The following TOP1 variants were observed in gnomAD, a reference collection of about 807,000 sequenced individuals.
TOP1 encodes DNA topoisomerase I.
TOP1 carries 10 observed loss-of-function variants against 111.1 expected under a neutral mutation model. The observed-to-expected ratio is 0.09, with a 90% CI of 0.06 to 0.15. TOP1 has a LOEUF of 0.15. Among genes scored for constraint, TOP1 ranks in the 10% least tolerant of loss-of-function variants. TOP1 has a pLI of 1.00. For synonymous variants in TOP1, 271 were observed against 302.9 expected (o/e 0.89, Z 1.10); for missense variants, 474 against 926.7 (o/e 0.51, Z 6.34).
At position 41,029,312 on chromosome 20, in the gene TOP1, AC is replaced by A; in HGVS notation, c.34-114del. ...GCAGGGATGGCTGCCCTCTGTGGCC[AC>A]CCCCGGGTCCCCGTCCTCCCCGGGG... On this transcript the variant is annotated intron_variant, in intron 1 of 20. Transcript: ENST00000361337. This position sits in a 1 kb window ranked among gnomAD's most constrained non-coding sequence, Gnocchi z 6.1. 5 of 945,592 alleles carry A rather than the reference AC, an allele frequency of 5.3e-6. No homozygotes were observed. The highest frequency in any genetic ancestry group is 6.0e-6 in the Non-Finnish European group (4 of 669,822). 58.6% of individuals were successfully genotyped at this position (945,592 alleles called of 1,614,324 possible). A position where few individuals can be genotyped will look rare whatever the true frequency, so the allele number is the denominator to read the frequency against.
chr20:41,061,065 A>G lies in TOP1; in HGVS notation c.59-329A>G, dbSNP rs1015142838. 3.9e-4 allele frequency among the ~76,000 whole-genome samples: 59 copies of G among 152,216 alleles called. No homozygotes were observed. Among genetic ancestry groups the G allele is most frequent in the African/African-American group, 1.3e-3 (52 of 41,452 alleles). On this transcript the variant is annotated intron_variant, in intron 2 of 20. Coordinates refer to ENST00000361337, the MANE Select transcript of TOP1 (RefSeq NM_003286.4). The surrounding 1 kb of genome is among the most constrained non-coding windows in gnomAD (Gnocchi z 4.6). The stretch of plus-strand genomic sequence containing the variant: ...ATCTGATCTTTAGAGTCAGTGTTCA[A>G]TACTATCCCTTTGTTATCATTTATA...
intron 3 of TOP1, among the ~76,000 whole-genome samples, chr20:41,062,643 G>T (rs1352729276): frequency 1.3e-5 from 2 of 152,174 alleles, no homozygotes; most frequent in Non-Finnish European, 2.9e-5. Context: ...ATTGCATAAT[G>T]ATAAAAGGGA....
chr20:41,117,511 C>T (rs1007008676), intron 17 of TOP1, among the ~76,000 whole-genome samples: 7 of 150,768 alleles, frequency 4.6e-5, no homozygotes, highest in African/African-American at 9.8e-5. Flanking sequence ...CTCAGCCTCC[C>T]GAGTAGCTGG....
At chr20:41,090,034 C>T (rs939354584) in intron 8 of TOP1, among the ~76,000 whole-genome samples, 3 of 151,930 alleles carry the variant, frequency 2.0e-5, no homozygotes, top group African/African-American at 2.4e-5. Context: ...AGTGCAGTGG[C>T]GCAATCTTGG....
At chr20:41,049,884 G>C (rs931635088) in intron 2 of TOP1, among the ~76,000 whole-genome samples, 1 of 152,044 alleles carries the variant, frequency 6.6e-6, no homozygotes, top group African/African-American at 2.4e-5. Flanking sequence ...CCCTAACAGG[G>C]GAATCCCATA....
chr20:41,055,661 TC>T (rs933327670), intron 2 of TOP1, among the ~76,000 whole-genome samples: 1 of 152,238 alleles, frequency 6.6e-6, no homozygotes, highest in Non-Finnish European at 1.5e-5. Context: ...GTAAAGACTT[TC>T]TCTGACTCTT....
At position 41,078,897 on chromosome 20, in the gene TOP1, G is replaced by A. The variant is rs139039535; in HGVS notation, c.336-1188G>A. 2.2e-3 allele frequency among the ~76,000 whole-genome samples: 336 copies of A among 152,252 alleles called. No homozygotes were observed. The highest frequency in any genetic ancestry group is 7.6e-3 in the African/African-American group (315 of 41,544). On this transcript the variant is annotated intron_variant, in intron 5 of 20. Transcript: ENST00000361337. This position sits in a 1 kb window ranked among gnomAD's most constrained non-coding sequence, Gnocchi z 5.3. The stretch of plus-strand genomic sequence containing the variant: ...ACAGTTTTCAGGTAAATTGTTTTAG[G>A]ACTTCTTCCTTCAGACCTAAGTAAC...
At chr20:41,065,208 T>G (rs1333521143) in intron 3 of TOP1, among the ~76,000 whole-genome samples, 1 of 152,196 alleles carries the variant, frequency 6.6e-6, no homozygotes, top group Non-Finnish European at 1.5e-5. Context: ...CCCAGCCTTT[T>G]GTATTCATTT....
At position 41,058,619 on chromosome 20, in the gene TOP1, C is replaced by A. The variant is rs976293422; in HGVS notation, c.59-2775C>A. Among the ~76,000 whole-genome samples, 1 of 152,168 alleles carries A rather than the reference C, an allele frequency of 6.6e-6. No individual in the cohort carries two copies. Among genetic ancestry groups the A allele is most frequent in the Non-Finnish European group, 1.5e-5 (1 of 68,040 alleles). On this transcript the variant is annotated intron_variant, in intron 2 of 20. Coordinates refer to ENST00000361337, the MANE Select transcript of TOP1 (RefSeq NM_003286.4). The surrounding 1 kb of genome is among the most constrained non-coding windows in gnomAD (Gnocchi z 4.2). Reference sequence around the variant, plus strand: ...AAGGAAGATCTAATACCTTTTATGGCCTAGTGTCGGAAGTTGCCCCCTCAC... The same window carrying A: ...AAGGAAGATCTAATACCTTTTATGGACTAGTGTCGGAAGTTGCCCCCTCAC...
Position 41,118,904 on chromosome 20 carries a change from C to T in TOP1, c.1950+608C>T, listed in dbSNP as rs16989568. On this transcript the variant is annotated intron_variant, in intron 18 of 20. Coordinates refer to ENST00000361337, the MANE Select transcript of TOP1 (RefSeq NM_003286.4). The surrounding 1 kb of genome is among the most constrained non-coding windows in gnomAD (Gnocchi z 4.6). The stretch of plus-strand genomic sequence containing the variant: ...TGAGCCTCTTTCCTCCTCCTAACTC[C>T]GCCTGGTACTGAGCTTTTAAACCAT... Among the ~76,000 whole-genome samples, 2,269 of 152,240 alleles carry T rather than the reference C, an allele frequency of 0.015. 52 individuals are homozygous for T. The highest frequency in any genetic ancestry group is 0.051 in the African/African-American group (2,101 of 41,524).
At position 41,095,611 on chromosome 20, in the gene TOP1, T is replaced by C. The variant is rs1176163746; in HGVS notation, c.731-1609T>C. Among the ~76,000 whole-genome samples, 2 of 152,194 alleles carry C rather than the reference T, an allele frequency of 1.3e-5. No homozygotes were observed. The highest frequency in any genetic ancestry group is 1.5e-5 in the Non-Finnish European group (1 of 68,034). Reference sequence around the variant, plus strand: ...CGTCCAAAGTGGGTTCTTTCTATTATAACTGTTTCAATATTGTGCTACAGT... The same window carrying C: ...CGTCCAAAGTGGGTTCTTTCTATTACAACTGTTTCAATATTGTGCTACAGT... On this transcript the variant is annotated intron_variant, in intron 9 of 20. Transcript: ENST00000361337. This position sits in a 1 kb window ranked among gnomAD's most constrained non-coding sequence, Gnocchi z 4.6.
At chr20:41,051,744 C>T (rs972952486) in intron 2 of TOP1, among the ~76,000 whole-genome samples, 1 of 151,780 alleles carries the variant, frequency 6.6e-6, no homozygotes, top group African/African-American at 2.4e-5. Flanking sequence ...GAAGGAAAAT[C>T]AGACAGCATT....
Position 41,122,015 on chromosome 20 carries a change from G to C in TOP1, c.2055G>C (p.Glu685Asp). 1 of 1,613,934 alleles carries C rather than the reference G, an allele frequency of 6.2e-7. No individual in the cohort carries two copies. Residue 685 changes from glutamate (E) to aspartate (D), a missense_variant, in exon 20 of 21, where the codon GAG becomes GAC. Transcript: ENST00000361337. This position sits in a 1 kb window ranked among gnomAD's most constrained non-coding sequence, Gnocchi z 5.4. Reference sequence around the variant, plus strand: ...TTTGCTATTCTTCTAGGGTAGTAGAGTCAAAGAAGAAGGCTGTTCAGAGAC... The same window carrying C: ...TTTGCTATTCTTCTAGGGTAGTAGACTCAAAGAAGAAGGCTGTTCAGAGAC... The part of the protein sequence containing the change: ...MKDAKTKKVV[E>D]SKKKAVQRLE...
rs945158761 is a variant in TOP1, at chr20:41,076,116, C to T, written c.156-55C>T. ...TGTTATCTTAGGATATCTTGTGAAA[C>T]GAATCCTTGTGGTCCCTACTCTGGG... On this transcript the variant is annotated intron_variant, in intron 3 of 20. Coordinates refer to ENST00000361337, the MANE Select transcript of TOP1 (RefSeq NM_003286.4). 19 of 1,553,232 alleles carry T rather than the reference C, an allele frequency of 1.2e-5. No individual in the cohort carries two copies. The Admixed American group carries it at 2.6e-4, about 22-fold the overall frequency.
intron 9 of TOP1, among the ~76,000 whole-genome samples, chr20:41,093,003 G>C (rs924754181): frequency 1.3e-5 from 2 of 152,198 alleles, no homozygotes; most frequent in African/African-American, 4.8e-5. Flanking sequence ...AACAGTATTA[G>C]TATATGGTCG....
In TOP1 at chr20:41,101,495, G is replaced by T; in HGVS notation, c.1308+142G>T. 1 of 885,580 alleles carries T rather than the reference G, an allele frequency of 1.1e-6. No homozygotes were observed. 54.9% of individuals were successfully genotyped at this position (885,580 alleles called of 1,614,324 possible). On this transcript the variant is annotated intron_variant, in intron 13 of 20. Coordinates refer to ENST00000361337, the MANE Select transcript of TOP1 (RefSeq NM_003286.4). This position sits in a 1 kb window ranked among gnomAD's most constrained non-coding sequence, Gnocchi z 4.1. ...AAGAAGGCAAGTACTTTCATAGTTA[G>T]CATTATGGTGATCTTCCTACAGTGC...
Position 41,098,902 on chromosome 20 carries a change from GTT to G in TOP1, c.975+567_975+568del, listed in dbSNP as rs2034020034. The G allele has an allele frequency of 6.6e-6, 1 of 151,966 alleles. No homozygotes were observed. The highest frequency in any genetic ancestry group is 1.5e-5 in the Non-Finnish European group (1 of 68,030). 9.4% of individuals were successfully genotyped at this position (151,966 alleles called of 1,614,324 possible). On this transcript the variant is annotated intron_variant, in intron 11 of 20. Coordinates refer to ENST00000361337, the MANE Select transcript of TOP1 (RefSeq NM_003286.4). This position sits in a 1 kb window ranked among gnomAD's most constrained non-coding sequence, Gnocchi z 5.7. The stretch of plus-strand genomic sequence containing the variant: ...TTGTCTACATATTATCTACGGCTGT[GTT>G]TATGCAACAATGACAGAGATGAGTA...
At chr20:41,060,705 T>C (rs1233571193) in intron 2 of TOP1, among the ~76,000 whole-genome samples, 1 of 152,182 alleles carries the variant, frequency 6.6e-6, no homozygotes, top group African/African-American at 2.4e-5. Context: ...TTGCAGATGT[T>C]CAAGTTTTTT....
chr20:41,100,177 A>G lies in TOP1; in HGVS notation c.1097A>G (p.Asn366Ser). ...CCTGGACTTTTCCGTGGCCGCGGCA[A>G]CCACCCCAAGATGGGCATGCTGAAG... is the stretch of plus-strand genomic sequence containing the variant. ...EPPGLFRGRGNHPKMGMLKRR... is the reference protein window; with the variant it reads ...EPPGLFRGRGSHPKMGMLKRR... The change falls in exon 12 of 21, where the codon AAC (asparagine) becomes AGC (serine). Residue 366 changes from asparagine (N) to serine (S), a missense_variant. By Grantham distance (46) the Asn-to-Ser change is conservative. Coordinates refer to ENST00000361337, the MANE Select transcript of TOP1 (RefSeq NM_003286.4). This position sits in a 1 kb window ranked among gnomAD's most constrained non-coding sequence, Gnocchi z 4.4. 6.2e-7 allele frequency: 1 copy of G among 1,614,086 alleles called. No homozygotes were observed. The highest frequency in any genetic ancestry group is 8.5e-7 in the Non-Finnish European group (1 of 1,179,970).
Sources: gnomAD v4.1 joint callset for allele counts (sites outside exome capture counted in the v4.1 genomes callset) on GRCh38, gnomAD v4.1.1 for gene constraint, Gnocchi (gnomAD v3.1) non-coding constraint, MANE v1.5 for transcripts, NCBI Gene and HGNC (gene_info 2026-07-23, HGNC 2026-07-21) for gene names.